Variants in ALPK1 observed in about 807,000 individuals in gnomAD.
ALPK1 encodes the protein alpha kinase 1, also known as alpha-protein kinase 1.
Under a neutral mutation model 120.6 loss-of-function variants are expected in ALPK1, and 110 were observed. The ratio of observed to expected loss-of-function variants is 0.91; its 90% CI spans 0.78 to 1.07. The LOEUF (loss-of-function observed/expected upper bound fraction) is 1.07. ALPK1 is among the 50% of genes least tolerant of loss of function. The probability of loss-of-function intolerance (pLI) is 0.00; values close to 1 mark genes in which losing one functional copy is unlikely to be tolerated. For synonymous variants in ALPK1, 582 were observed against 560.3 expected (o/e 1.04, Z -0.55); for missense variants, 1,498 against 1,483.9 (o/e 1.01, Z -0.16).
At chr4:112,344,134 GA>G (rs917836389) in intron 2 of ALPK1, among the ~76,000 whole-genome samples, 2 of 152,152 alleles carry the variant, frequency 1.3e-5, no homozygotes, top group Non-Finnish European at 2.9e-5. Context: ...GAAAAGCGGG[GA>G]AAAAATCTAA....
intron 9 of ALPK1, 30 bp from the exon 10 acceptor site, chr4:112,429,119 C>T (rs758513271): frequency 6.3e-7 from 1 of 1,576,740 alleles, no homozygotes; most frequent in South Asian, 1.1e-5. Context: ...TAATTATCAC[C>T]ATTCCACTTA....
chr4:112,407,963 C>T (rs528899823), intron 4 of ALPK1, among the ~76,000 whole-genome samples: 170 of 152,114 alleles, frequency 1.1e-3, no homozygotes, highest in Admixed American at 2.6e-3. Flanking sequence ...AAAAATTAGC[C>T]GGGCGTGGTG....
intron 13 of ALPK1, 37 bp downstream of exon 13, chr4:112,438,683 A>T (rs771963664): frequency 3.1e-6 from 5 of 1,595,782 alleles, no homozygotes; most frequent in Non-Finnish European, 4.3e-6. Flanking sequence ...GGATCTTCCA[A>T]ATCACACTTG....
chr4:112,381,150 A>T (rs1731887564), intron 3 of ALPK1, among the ~76,000 whole-genome samples: 1 of 152,346 alleles, frequency 6.6e-6, no homozygotes, highest in East Asian at 1.9e-4. Flanking sequence ...GACTGGACGG[A>T]GCAAGATTCA....
At chr4:112,301,826 C>T (rs1248278483) in intron 1 of ALPK1, among the ~76,000 whole-genome samples, 5 of 152,148 alleles carry the variant, frequency 3.3e-5, no homozygotes, top group African/African-American at 1.2e-4. Flanking sequence ...GATCACGGCT[C>T]ATTGCAAGTT....
At chr4:112,306,181 G>A (rs982819315) in intron 1 of ALPK1, among the ~76,000 whole-genome samples, 7 of 151,906 alleles carry the variant, frequency 4.6e-5, no homozygotes, top group South Asian at 2.1e-4. Context: ...TTGCATCGAT[G>A]TTCATCAGGG....
chr4:112,408,206 C>T (rs1224623699), intron 4 of ALPK1, among the ~76,000 whole-genome samples: 7 of 152,124 alleles, frequency 4.6e-5, no homozygotes, highest in Admixed American at 6.5e-5. Context: ...CTGAGTACCC[C>T]CCAAGGTCCA....
chr4:112,363,377 A>C (rs1730999074), intron 2 of ALPK1, among the ~76,000 whole-genome samples: 2 of 152,256 alleles, frequency 1.3e-5, no homozygotes, highest in Admixed American at 1.3e-4. Flanking sequence ...TTGCATGCAA[A>C]TGGACACCAA....
chr4:112,427,871 T>C, intron 9 of ALPK1: 1 of 422,678 alleles, frequency 2.4e-6, no homozygotes, highest in Non-Finnish European at 4.3e-6. Flanking sequence ...TAACAGACAC[T>C]CAGAGAGTGC....
rs776793034 is a variant in ALPK1 at position 112,439,730 on chromosome 4, T to C, written c.3396T>C (p.Pro1132=). 1 of 1,613,240 alleles carries C rather than the reference T, an allele frequency of 6.2e-7. No individual in the cohort carries two copies. The highest frequency in any genetic ancestry group is 2.2e-5 in the East Asian group (1 of 44,844). The change falls in exon 14 of 16, where the codon CCT becomes CCC. Residue 1132 remains proline (P), a synonymous_variant. Transcript: ENST00000650871. The part of the protein sequence containing the change: ...KTIKGCISVE[P]YILGEFVKLS... ...TAAAGGGATGTATCAGTGTGGAGCC[T>C]TACATACTGGGAGAATTTGTAAAAT... is the stretch of plus-strand genomic sequence containing the variant.
At chr4:112,298,258 T>A (rs1415830146) in intron 1 of ALPK1, among the ~76,000 whole-genome samples, 1 of 151,902 alleles carries the variant, frequency 6.6e-6, no homozygotes, top group East Asian at 1.9e-4. Flanking sequence ...TATATTTCTC[T>A]CTCTCTCTGT....
intron 2 of ALPK1, among the ~76,000 whole-genome samples, chr4:112,347,289 G>A (rs1172978731): frequency 1.3e-5 from 2 of 152,186 alleles, no homozygotes. Context: ...GGCCTTAAAA[G>A]CTTATGTCTA....
At chr4:112,300,758 T>C (rs1164038450) in intron 1 of ALPK1, among the ~76,000 whole-genome samples, 3 of 152,002 alleles carry the variant, frequency 2.0e-5, no homozygotes, top group African/African-American at 7.2e-5. Flanking sequence ...TGTGTGCAAA[T>C]AACCTCTTAA....
chr4:112,435,244 G>A lies in ALPK1; in HGVS notation c.3131G>A (p.Gly1044Asp), dbSNP rs1734740178. The A allele has an allele frequency of 6.2e-7, 1 of 1,613,652 alleles. No individual in the cohort carries two copies. Among genetic ancestry groups the A allele is most frequent in the East Asian group, 2.2e-5 (1 of 44,836 alleles). ...LGDYLTVKKK[G>D]RQRNAFWVHH... ...GACTACTTGACTGTGAAGAAAAAAG[G>A]CAGACAAAGAAATGCTTTTTGGGTT... Residue 1044 changes from glycine (G) to aspartate (D), a missense_variant, in exon 12 of 16, where the codon GGC (glycine) becomes GAC (aspartate). Transcript: ENST00000650871.
intron 5 of ALPK1, among the ~76,000 whole-genome samples, chr4:112,421,086 G>A (rs1733972813): frequency 6.6e-6 from 1 of 152,102 alleles, no homozygotes; most frequent in Non-Finnish European, 1.5e-5. Context: ...ACCCACCTCA[G>A]TCTCCCAAAT....
chr4:112,391,105 C>G (rs1212642757), intron 4 of ALPK1, among the ~76,000 whole-genome samples: 1 of 152,186 alleles, frequency 6.6e-6, no homozygotes. Flanking sequence ...GCATGCCTCC[C>G]TCTGAAAGGA....
chr4:112,431,516 A>G lies in ALPK1; in HGVS notation c.1969A>G (p.Asn657Asp), dbSNP rs1468741637. Residue 657 changes from asparagine (N) to aspartate (D), a missense_variant, in exon 11 of 16, where the codon AAT becomes GAT. Physicochemically the swap from Asn to Asp is conservative, Grantham distance 23. Transcript: ENST00000650871. ...DLSLQEPNND[N>D]LEPSQNQPQQ... ...CTCTCTTCAGGAACCCAACAATGACAATTTGGAGCCTTCTCAAAATCAGCC... is the reference window on the plus strand; with the variant it reads ...CTCTCTTCAGGAACCCAACAATGACGATTTGGAGCCTTCTCAAAATCAGCC... The G allele has an allele frequency of 6.2e-7, 1 of 1,614,050 alleles. No individual in the cohort carries two copies. The highest frequency in any genetic ancestry group is 8.5e-7 in the Non-Finnish European group (1 of 1,180,038).
At chr4:112,299,297 A>T (rs934965417) in intron 1 of ALPK1, among the ~76,000 whole-genome samples, 1 of 152,144 alleles carries the variant, frequency 6.6e-6, no homozygotes, top group African/African-American at 2.4e-5. Flanking sequence ...TAAATATCAG[A>T]TACATACAAA....
Position 112,441,052 on chromosome 4 carries a change from G to A in ALPK1, c.3674G>A (p.Cys1225Tyr). Residue 1225 changes from cysteine (C) to tyrosine (Y), a missense_variant, in exon 15 of 16, where the codon TGT (cysteine) becomes TAT (tyrosine). Physicochemically the swap from Cys to Tyr is radical, Grantham distance 194. Coordinates refer to ENST00000650871, the MANE Select transcript of ALPK1 (RefSeq NM_025144.4). ...FYFFNNQHVE[C>Y]NEICHRLSLT... The stretch of plus-strand genomic sequence containing the variant: ...TTCTTTAATAACCAGCATGTGGAAT[G>A]TAATGAAATCTGCCATCGTCTTTCT... 1 of 1,613,960 alleles carries A rather than the reference G, an allele frequency of 6.2e-7. No individual in the cohort carries two copies. The highest frequency in any genetic ancestry group is 8.5e-7 in the Non-Finnish European group (1 of 1,179,870).
Sources: gnomAD v4.1 joint callset for allele counts (sites outside exome capture counted in the v4.1 genomes callset) on GRCh38, gnomAD v4.1.1 for gene constraint, MANE v1.5 for transcripts, NCBI Gene and HGNC (gene_info 2026-07-23, HGNC 2026-07-21) for gene names.